SRGAP3: variants seen among roughly 807,000 people sequenced by gnomAD.
SRGAP3 encodes SLIT-ROBO Rho GTPase-activating protein 3.
In SRGAP3, 39 loss-of-function variants were observed where a neutral mutation model predicts 121.1. That is an observed-to-expected ratio of 0.32 (90% CI 0.25 to 0.42). The LOEUF is 0.42. Among genes scored for constraint, SRGAP3 ranks in the 10% least tolerant of loss-of-function variants. SRGAP3 has a pLI of 1.00. For missense variants in SRGAP3, 1,213 were observed against 1,470.6 expected, an observed-to-expected ratio of 0.82 and a Z score of 2.86; for synonymous variants, 601 against 570.0, an observed-to-expected ratio of 1.05 and a Z score of -0.77.
chr3:9,300,743 T>G (rs770299811), intron 3 of SRGAP3, among the ~76,000 whole-genome samples: 3 of 152,194 alleles, frequency 2.0e-5, no homozygotes, highest in Non-Finnish European at 4.4e-5. Context: ...TTGGTTGTCA[T>G]GCAACAGAGT....
chr3:9,140,122 T>TACACACAC lies in SRGAP3; in HGVS notation c.68-15213_68-15206dup, dbSNP rs35572227. Among the ~76,000 whole-genome samples, 602 of 140,112 alleles carry TACACACAC rather than the reference T, an allele frequency of 4.3e-3. 2 individuals are homozygous for TACACACAC. Among genetic ancestry groups the TACACACAC allele is most frequent in the African/African-American group, 0.014 (573 of 40,090 alleles). 91.9% of individuals were successfully genotyped at this position (140,112 alleles called of 152,430 possible). A position where few individuals can be genotyped will look rare whatever the true frequency, so the allele number is the denominator to read the frequency against. On this transcript the variant is annotated intron_variant, in intron 1 of 21. Coordinates refer to ENST00000383836, the MANE Select transcript of SRGAP3 (RefSeq NM_014850.4). ...AATTCTCCTTCTAGGCTCAGAGGCA[T>TACACACAC]ACACACACACACACACACACACACA...
chr3:9,358,046 T>C lies in SRGAP3; in HGVS notation n.214+4794A>G, dbSNP rs184371070. 1.1e-3 allele frequency among the ~76,000 whole-genome samples: 160 copies of C among 152,280 alleles called. 1 individual carries two copies. The highest frequency in any genetic ancestry group is 5.0e-3 in the Admixed American group (77 of 15,288). The stretch of plus-strand genomic sequence containing the variant: ...CACGCCACCACACCCAGCTAGTTTT[T>C]GTATTTTTAGTAGAGACGGGCTTTC... On this transcript the variant is annotated intron_variant and non_coding_transcript_variant, in intron 1 of 3. Transcript: ENST00000490889.
intron 1 of SRGAP3, among the ~76,000 whole-genome samples, chr3:9,179,625 C>T (rs573396782): frequency 3.3e-4 from 50 of 152,360 alleles, no homozygotes; most frequent in Non-Finnish European, 2.9e-5. Flanking sequence ...CTGCTCTTCA[C>T]TCTCCTGAAG....
At chr3:8,986,282 T>G (rs897391543) in intron 21 of SRGAP3, among the ~76,000 whole-genome samples, 3 of 152,200 alleles carry the variant, frequency 2.0e-5, no homozygotes, top group African/African-American at 7.2e-5. Flanking sequence ...TCCTCATTTG[T>G]AAATGGCAGA....
At chr3:9,304,103 G>C (rs376787331) in intron 3 of SRGAP3, among the ~76,000 whole-genome samples, 2 of 152,172 alleles carry the variant, frequency 1.3e-5, no homozygotes, top group African/African-American at 4.8e-5. Context: ...CCTGTGGTAC[G>C]GGACCCCATG....
rs974635886 is a variant in SRGAP3 at position 9,102,733 on chromosome 3, A to C, written c.423+1947T>G. Among the ~76,000 whole-genome samples, 7 of 152,176 alleles carry C rather than the reference A, an allele frequency of 4.6e-5. No homozygotes were observed. The South Asian group carries it at 1.0e-3, about 23-fold the overall frequency. On this transcript the variant is annotated intron_variant, in intron 3 of 21. Coordinates refer to ENST00000383836, the MANE Select transcript of SRGAP3 (RefSeq NM_014850.4). Reference sequence around the variant, plus strand: ...GGCAGCCAGGAGCTCAGCTGTAGACATTTTTTTCATTATTTTCCACCCTGT... The same window carrying C: ...GGCAGCCAGGAGCTCAGCTGTAGACCTTTTTTTCATTATTTTCCACCCTGT...
intron 2 of SRGAP3, among the ~76,000 whole-genome samples, chr3:9,106,339 G>A (rs965651755): frequency 6.6e-6 from 1 of 152,174 alleles, no homozygotes; most frequent in Non-Finnish European, 1.5e-5. Context: ...AGGATGTGAG[G>A]GGAGAGGCCC....
chr3:9,112,390 G>A (rs2124939063), intron 2 of SRGAP3, among the ~76,000 whole-genome samples: 1 of 152,356 alleles, frequency 6.6e-6, no homozygotes, highest in South Asian at 2.1e-4. Flanking sequence ...CATTGCACTT[G>A]CTTGTAGCAT....
intron 1 of SRGAP3, among the ~76,000 whole-genome samples, chr3:9,140,373 G>T (rs754443208): frequency 1.3e-5 from 2 of 152,148 alleles, no homozygotes; most frequent in African/African-American, 4.8e-5. Context: ...TACAAAAATA[G>T]GATGTAGGGT....
intron 3 of SRGAP3, among the ~76,000 whole-genome samples, chr3:9,264,442 C>T (rs1406871521): frequency 6.6e-6 from 1 of 152,174 alleles, no homozygotes; most frequent in Non-Finnish European, 1.5e-5. Flanking sequence ...TCTCTGTTTG[C>T]AGATGACATG....
At chr3:9,044,267 C>T (rs896048401) in intron 10 of SRGAP3, among the ~76,000 whole-genome samples, 5 of 152,194 alleles carry the variant, frequency 3.3e-5, no homozygotes, top group African/African-American at 1.2e-4. Flanking sequence ...CCAGTGGATG[C>T]CTGAAACTGT....
Position 8,982,302 on chromosome 3 carries a change from G to A in SRGAP3, c.*3217C>T, listed in dbSNP as rs1017535771. The stretch of plus-strand genomic sequence containing the variant: ...ATGAAGCAAAGAAAAAAAAATGCCC[G>A]TTGTCAACTAACTGATCAGTACGGC... On this transcript the variant is annotated 3_prime_UTR_variant, in exon 22 of 22. Transcript: ENST00000383836. The A allele has an allele frequency of 5.3e-5, 12 of 226,970 alleles. No individual in the cohort carries two copies. The highest frequency in any genetic ancestry group is 1.3e-4 in the African/African-American group (6 of 44,954). The allele number at this position is 226,970 out of a possible 1,614,324, so 14.1% of individuals were successfully genotyped here.
At chr3:9,181,063 G>C (rs548891075) in intron 1 of SRGAP3, among the ~76,000 whole-genome samples, 5 of 152,348 alleles carry the variant, frequency 3.3e-5, no homozygotes, top group African/African-American at 9.6e-5. Context: ...CCCCAGTTCT[G>C]TGAAGCCTCA....
intron 3 of SRGAP3, among the ~76,000 whole-genome samples, chr3:9,316,370 A>AG (rs1326858841): frequency 2.1e-4 from 31 of 149,040 alleles, no homozygotes; most frequent in Admixed American, 4.7e-4. Context: ...AAAAAAAAAA[A>AG]TTAATAGGCC....
At chr3:9,308,646 T>C (rs538709582) in intron 3 of SRGAP3, among the ~76,000 whole-genome samples, 6 of 152,350 alleles carry the variant, frequency 3.9e-5, no homozygotes, top group South Asian at 4.1e-4. Flanking sequence ...TGGGAACTTA[T>C]GCTGAAGCCA....
At chr3:9,136,403 C>CT (rs1466416464) in intron 1 of SRGAP3, among the ~76,000 whole-genome samples, 26 of 146,678 alleles carry the variant, frequency 1.8e-4, no homozygotes, top group African/African-American at 5.0e-4. Context: ...GACCCCCCCC[C>CT]CCCCCGACCG....
At chr3:9,251,749 A>G (rs2125251272), upstream of SRGAP3, among the ~76,000 whole-genome samples, 1 of 152,324 alleles carries the variant, frequency 6.6e-6, no homozygotes, top group East Asian at 1.9e-4. Context: ...TACAAAACCA[A>G]GGCCAAAGAT....
intron 3 of SRGAP3, among the ~76,000 whole-genome samples, chr3:9,082,817 G>C (rs1366270816): frequency 6.6e-6 from 1 of 152,128 alleles, no homozygotes; most frequent in Non-Finnish European, 1.5e-5. Context: ...TGCCTTCTCA[G>C]GCTCCTTCTC....
chr3:9,341,914 G>T (rs988606156), intron 1 of SRGAP3, among the ~76,000 whole-genome samples: 1 of 152,102 alleles, frequency 6.6e-6, no homozygotes, highest in Non-Finnish European at 1.5e-5. Flanking sequence ...TTGTGCTACC[G>T]GCGTTCTCCT....
Sources: allele counts gnomAD v4.1 joint callset (sites outside exome capture counted in the v4.1 genomes callset), GRCh38; gene constraint gnomAD v4.1.1; transcripts MANE v1.5; gene names NCBI Gene and HGNC (gene_info 2026-07-23, HGNC 2026-07-21).